The following SEMA5A variants were observed in gnomAD, a reference collection of about 807,000 sequenced individuals.
SEMA5A encodes semaphorin 5A.
Under a neutral mutation model 135.5 loss-of-function variants are expected in SEMA5A, and 55 were observed. That is an observed-to-expected ratio of 0.41 (90% CI 0.33 to 0.51). The LOEUF is 0.51. Ranked by LOEUF, SEMA5A falls within the 20% of genes least tolerant of loss-of-function variation. The pLI is 0.37. For missense variants in SEMA5A, 1,290 were observed against 1,419.9 expected (o/e 0.91, Z 1.47); for synonymous variants, 580 against 546.5 (o/e 1.06, Z -0.85).
chr5:9,443,642 C>G (rs755034524), intron 1 of SEMA5A, among the ~76,000 whole-genome samples: 4 of 152,182 alleles, frequency 2.6e-5, no homozygotes, highest in Non-Finnish European at 5.9e-5. Context: ...GAGGTAAGAG[C>G]AGCTAAAATC....
At chr5:9,450,854 T>C (rs1758616949) in intron 1 of SEMA5A, among the ~76,000 whole-genome samples, 1 of 152,198 alleles carries the variant, frequency 6.6e-6, no homozygotes, top group Admixed American at 6.5e-5. Flanking sequence ...TCAAAATGTG[T>C]GTTTTAATCT....
chr5:9,291,863 T>G (rs537622996), intron 5 of SEMA5A, among the ~76,000 whole-genome samples: 1 of 152,092 alleles, frequency 6.6e-6, no homozygotes, highest in Non-Finnish European at 1.5e-5. Context: ...CACTATGTTT[T>G]GTGGTGCTGA....
intron 12 of SEMA5A, among the ~76,000 whole-genome samples, chr5:9,140,677 A>G (rs1742018914): frequency 6.6e-6 from 1 of 152,194 alleles, no homozygotes; most frequent in African/African-American, 2.4e-5. Context: ...TAATTCTTTT[A>G]TTGACAAAAT....
intron 1 of SEMA5A, among the ~76,000 whole-genome samples, chr5:9,528,093 A>G (rs929914481): frequency 6.6e-6 from 1 of 152,186 alleles, no homozygotes; most frequent in African/African-American, 2.4e-5. Flanking sequence ...ATAGAATATG[A>G]TCAACTTAGG....
At chr5:9,367,882 C>A (rs950826149) in intron 3 of SEMA5A, among the ~76,000 whole-genome samples, 1 of 152,186 alleles carries the variant, frequency 6.6e-6, no homozygotes, top group Non-Finnish European at 1.5e-5. Flanking sequence ...TCTGGGACAT[C>A]TGCCCTGTCT....
intron 9 of SEMA5A, among the ~76,000 whole-genome samples, chr5:9,200,758 A>G (rs1486821211): frequency 6.6e-6 from 1 of 152,206 alleles, no homozygotes; most frequent in Non-Finnish European, 1.5e-5. Context: ...CAGGAAGAGA[A>G]GGTTAATGAG....
intron 2 of SEMA5A, among the ~76,000 whole-genome samples, chr5:9,396,788 A>C (rs1756423501): frequency 6.6e-6 from 1 of 152,042 alleles, no homozygotes; most frequent in African/African-American, 2.4e-5. Flanking sequence ...GTCCTTCCCC[A>C]CGTGGCCCTG....
At chr5:9,295,579 G>T (rs1458443267) in intron 5 of SEMA5A, among the ~76,000 whole-genome samples, 1 of 152,142 alleles carries the variant, frequency 6.6e-6, no homozygotes, top group African/African-American at 2.4e-5. Context: ...CTACTCTTCA[G>T]AGCTTATGGC....
At chr5:9,143,386 A>AT (rs945679707) in intron 12 of SEMA5A, among the ~76,000 whole-genome samples, 2 of 2,376 alleles carry the variant, frequency 8.4e-4, no homozygotes, top group Non-Finnish European at 0.01. Context: ...TTCATGTATT[A>AT]AAACTACTCG....
At chr5:9,190,130 C>T (rs1367418428) in intron 11 of SEMA5A, 137 bp downstream of exon 11, 2 of 762,248 alleles carry the variant, frequency 2.6e-6, no homozygotes, top group Non-Finnish European at 4.3e-6. Context: ...GATAAGTGAG[C>T]ATCGCGGGTT....
intron 5 of SEMA5A, among the ~76,000 whole-genome samples, chr5:9,302,703 T>C (rs1284576571): frequency 6.6e-6 from 1 of 152,158 alleles, no homozygotes; most frequent in African/African-American, 2.4e-5. Context: ...GAAATTGACA[T>C]AGAACCACCT....
chr5:9,353,241 A>AAAGGAAGGGAAGGGAAGGG (rs1561177451), intron 3 of SEMA5A, among the ~76,000 whole-genome samples: 2 of 95,230 alleles, frequency 2.1e-5, no homozygotes, highest in Non-Finnish European at 4.2e-5. Context: ...GAAAGGAAGG[A>AAAGGAAGGGAAGGGAAGGG]AAGGGAAGGG....
intron 3 of SEMA5A, among the ~76,000 whole-genome samples, chr5:9,341,250 G>A (rs947072237): frequency 2.0e-5 from 3 of 150,888 alleles, no homozygotes; most frequent in African/African-American, 7.3e-5. Flanking sequence ...ATAGGGAATA[G>A]GGCTTAGCCC....
chr5:9,306,382 T>A (rs1309919552), intron 5 of SEMA5A, among the ~76,000 whole-genome samples: 1 of 152,212 alleles, frequency 6.6e-6, no homozygotes, highest in African/African-American at 2.4e-5. Flanking sequence ...GGTCTTCCAG[T>A]TCACTAATAC....
At chr5:9,327,921 T>A (rs2150693839) in intron 4 of SEMA5A, among the ~76,000 whole-genome samples, 1 of 152,288 alleles carries the variant, frequency 6.6e-6, no homozygotes, top group South Asian at 2.1e-4. Context: ...TGAAAAAAAA[T>A]GCCAACTGAA....
intron 11 of SEMA5A, among the ~76,000 whole-genome samples, chr5:9,167,877 T>C (rs1364298679): frequency 6.6e-6 from 1 of 152,206 alleles, no homozygotes; most frequent in Admixed American, 6.5e-5. Context: ...AGTTGAGTCT[T>C]AGTGAATGAA....
In SEMA5A at chr5:9,042,990, T is replaced by G. The variant is rs1250343815; in HGVS notation, c.3132A>C (p.Leu1044=). Residue 1044 remains leucine, a synonymous_variant, in exon 23 of 23, where the codon CTA becomes CTC. Coordinates refer to ENST00000382496, the MANE Select transcript of SEMA5A (RefSeq NM_003966.3). ...GGTTGAAGTATTTGTTTCTTTCCTC[T>G]AGGATCAAGTTGTTTTTGTTAAATG... The part of the protein sequence containing the change: ...IKAFNKNNLI[L]EERNKYFNPH... 6.2e-7 allele frequency: 1 copy of G among 1,611,238 alleles called. No individual in the cohort carries two copies. Among genetic ancestry groups the G allele is most frequent in the Admixed American group, 1.7e-5 (1 of 59,720 alleles).
At chr5:9,377,107 GA>G (rs57379643) in intron 3 of SEMA5A, among the ~76,000 whole-genome samples, 3,936 of 89,834 alleles carry the variant, frequency 0.044, 52 homozygotes, top group South Asian at 0.069. Flanking sequence ...TGTAGCTACC[GA>G]AAAAAAAAAA....
intron 20 of SEMA5A, among the ~76,000 whole-genome samples, chr5:9,050,817 T>C (rs897105909): frequency 6.6e-5 from 10 of 152,234 alleles, no homozygotes; most frequent in Non-Finnish European, 1.2e-4. Context: ...TTCCTGCTTC[T>C]GAGACTTGTT....
Sources: allele counts gnomAD v4.1 joint callset (sites outside exome capture counted in the v4.1 genomes callset), GRCh38; gene constraint gnomAD v4.1.1; transcripts MANE v1.5; gene names NCBI Gene and HGNC (gene_info 2026-07-23, HGNC 2026-07-21).